GPR158: variants seen among roughly 807,000 people sequenced by gnomAD.
GPR158 encodes the protein metabotropic glycine receptor.
Under a neutral mutation model 78.2 loss-of-function variants are expected in GPR158, and 30 were observed. That is an observed-to-expected ratio of 0.38 (90% CI 0.29 to 0.52). The LOEUF is 0.52. GPR158 is among the 20% of genes least tolerant of loss of function. GPR158 has a pLI of 0.83. For synonymous variants in GPR158, 581 were observed against 591.1 expected, an observed-to-expected ratio of 0.98 and a Z score of 0.25; for missense variants, 1,463 against 1,523.5, an observed-to-expected ratio of 0.96 and a Z score of 0.66.
chr10:25,431,266 C>A (rs961724409), intron 4 of GPR158, among the ~76,000 whole-genome samples: 1 of 126,628 alleles, frequency 7.9e-6, no homozygotes, highest in African/African-American at 2.9e-5. Flanking sequence ...AAATGCTCAT[C>A]ATCACTGGCC....
Position 25,436,191 on chromosome 10 carries a change from G to A in GPR158, c.1335+23718G>A, listed in dbSNP as rs115795842. ...AATGTTATAGCATAAGTGTGTGCCC[G>A]GTGTTACATGAGACATGTGTATACT... is the stretch of plus-strand genomic sequence containing the variant. On this transcript the variant is annotated intron_variant, in intron 4 of 10. Coordinates refer to ENST00000376351, the MANE Select transcript of GPR158 (RefSeq NM_020752.3). Among the ~76,000 whole-genome samples, 677 of 152,256 alleles carry A rather than the reference G, an allele frequency of 4.4e-3. 5 individuals carry two copies. Among genetic ancestry groups the A allele is most frequent in the African/African-American group, 0.015 (638 of 41,556 alleles).
rs998131266 is a variant in GPR158, at chr10:25,367,225, G to A, written c.1009-28686G>A. The stretch of plus-strand genomic sequence containing the variant: ...TATTTCTACATAGGGCTACCCAAGG[G>A]ACCTAGCATCATATACTGAAAAGAC... On this transcript the variant is annotated intron_variant, in intron 2 of 10. Transcript: ENST00000376351. Among the ~76,000 whole-genome samples the A allele has an allele frequency of 5.3e-5, 8 of 151,592 alleles. No homozygotes were observed. The Middle Eastern group carries it at 0.014, about 258-fold the overall frequency.
rs115442541 is a variant in GPR158 at position 25,289,773 on chromosome 10, C to T, written c.1008+68616C>T. Among the ~76,000 whole-genome samples, 673 of 152,218 alleles carry T rather than the reference C, an allele frequency of 4.4e-3. 3 individuals are homozygous for T. Among genetic ancestry groups the T allele is most frequent in the African/African-American group, 0.015 (634 of 41,536 alleles). On this transcript the variant is annotated intron_variant, in intron 2 of 10. Coordinates refer to ENST00000376351, the MANE Select transcript of GPR158 (RefSeq NM_020752.3). ...TCAAAAACTGGTTGAAGTCCACAAA[C>T]GTGAGGGATTGTCATTGCTTTTAAG...
intron 4 of GPR158, among the ~76,000 whole-genome samples, chr10:25,451,683 C>G (rs967839007): frequency 2.0e-5 from 3 of 152,120 alleles, no homozygotes; most frequent in African/African-American, 2.4e-5. Flanking sequence ...TTTTTAACCT[C>G]TCTAATCCTC....
intron 2 of GPR158, among the ~76,000 whole-genome samples, chr10:25,253,108 C>T (rs61855493): frequency 2.5e-4 from 36 of 144,116 alleles, no homozygotes; most frequent in South Asian, 1.6e-3. Context: ...TTCTTTGACT[C>T]GGAAAGGGAA....
At chr10:25,340,956 A>ATT (rs570429347) in intron 2 of GPR158, among the ~76,000 whole-genome samples, 1 of 151,762 alleles carries the variant, frequency 6.6e-6, no homozygotes, top group East Asian at 1.9e-4. Flanking sequence ...ACCAAATACA[A>ATT]TTTTTTTTTA....
At chr10:25,477,961 G>T (rs140831497) in intron 5 of GPR158, among the ~76,000 whole-genome samples, 1 of 152,108 alleles carries the variant, frequency 6.6e-6, no homozygotes, top group Non-Finnish European at 1.5e-5. Context: ...AGCCATAGAT[G>T]CCCAGAAGTT....
chr10:25,286,443 A>G (rs762801660), intron 2 of GPR158, among the ~76,000 whole-genome samples: 12 of 151,812 alleles, frequency 7.9e-5, no homozygotes, highest in Non-Finnish European at 1.2e-4. Flanking sequence ...TTTTTCTTAT[A>G]GTTTTTATCT....
intron 6 of GPR158, among the ~76,000 whole-genome samples, chr10:25,560,414 C>T (rs899865670): frequency 4.6e-5 from 7 of 152,162 alleles, no homozygotes; most frequent in Non-Finnish European, 7.4e-5. Context: ...TACAGGTGCC[C>T]GCCACCATGC....
In GPR158 at chr10:25,600,129, C is replaced by G. The variant is rs965424692; in HGVS notation, c.*855C>G. The G allele has an allele frequency of 1.3e-5, 2 of 152,608 alleles. No homozygotes were observed. The highest frequency in any genetic ancestry group is 2.9e-5 in the Non-Finnish European group (2 of 68,034). The allele number at this position is 152,608 out of a possible 1,614,324, so 9.5% of individuals were successfully genotyped here. A position where few individuals can be genotyped will look rare whatever the true frequency, so the allele number is the denominator to read the frequency against. On this transcript the variant is annotated 3_prime_UTR_variant, in exon 11 of 11. Coordinates refer to ENST00000376351, the MANE Select transcript of GPR158 (RefSeq NM_020752.3). ...TACAAGTTGAGTTACTTGTTTTGCA[C>G]TTCTTGTTAGGACTCAGAAGCTTTA...
chr10:25,532,703 G>A (rs1050036924), intron 5 of GPR158, among the ~76,000 whole-genome samples: 3 of 148,848 alleles, frequency 2.0e-5, no homozygotes, highest in Non-Finnish European at 3.0e-5. Flanking sequence ...TTTATGCATT[G>A]TTTCGTTCCT....
intron 5 of GPR158, among the ~76,000 whole-genome samples, chr10:25,470,794 T>G (rs2130622797): frequency 6.6e-6 from 1 of 152,300 alleles, no homozygotes; most frequent in South Asian, 2.1e-4. Flanking sequence ...ATGAAATATC[T>G]GAAATGACCT....
chr10:25,266,881 A>G (rs1011049304), intron 2 of GPR158, among the ~76,000 whole-genome samples: 2 of 152,164 alleles, frequency 1.3e-5, no homozygotes, highest in African/African-American at 4.8e-5. Flanking sequence ...TTAATCTGTT[A>G]TCTGCTTCAA....
At chr10:25,456,550 T>C (rs2130607153) in intron 4 of GPR158, among the ~76,000 whole-genome samples, 1 of 152,326 alleles carries the variant, frequency 6.6e-6, no homozygotes, top group South Asian at 2.1e-4. Context: ...ATGGGCTGTT[T>C]TGCCTAGGTG....
intron 2 of GPR158, among the ~76,000 whole-genome samples, chr10:25,356,102 T>C (rs1855546130): frequency 6.6e-6 from 1 of 152,048 alleles, no homozygotes; most frequent in Non-Finnish European, 1.5e-5. Context: ...CCTCAATCTA[T>C]TTTTTTCCAG....
chr10:25,546,633 A>G, intron 5 of GPR158, among the ~76,000 whole-genome samples: 1 of 152,034 alleles, frequency 6.6e-6, no homozygotes, highest in South Asian at 2.1e-4. Context: ...TCCAAGAAAT[A>G]TTTACTGAGC....
At chr10:25,549,647 C>T (rs1324495697) in intron 5 of GPR158, among the ~76,000 whole-genome samples, 2 of 152,132 alleles carry the variant, frequency 1.3e-5, no homozygotes, top group Non-Finnish European at 2.9e-5. Context: ...GTCTCCTGTT[C>T]ACACCTATTT....
chr10:25,237,392 GA>G (rs1453458614), intron 2 of GPR158, among the ~76,000 whole-genome samples: 2 of 152,176 alleles, frequency 1.3e-5, no homozygotes, highest in Non-Finnish European at 2.9e-5. Context: ...AATTAAAAAT[GA>G]ATAGAGGTTG....
intron 5 of GPR158, among the ~76,000 whole-genome samples, chr10:25,547,270 C>G (rs768951747): frequency 1.1e-4 from 16 of 152,138 alleles, no homozygotes; most frequent in Non-Finnish European, 2.2e-4. Flanking sequence ...ACACTGCTGA[C>G]CTCAACTCAG....
Sources: gnomAD v4.1 joint callset for allele counts (sites outside exome capture counted in the v4.1 genomes callset) on GRCh38, gnomAD v4.1.1 for gene constraint, MANE v1.5 for transcripts, NCBI Gene and HGNC (gene_info 2026-07-23, HGNC 2026-07-21) for gene names.